Variants in PDCD2L observed in about 807,000 individuals in gnomAD.
The protein encoded by PDCD2L is programmed cell death 2 like, also known as uS5 assembly chaperone PDCD2L.
Under a neutral mutation model 40.4 loss-of-function variants are expected in PDCD2L, and 44 were observed. The observed-to-expected ratio is 1.09, with a 90% CI of 0.86 to 1.40. The LOEUF (loss-of-function observed/expected upper bound fraction) is 1.40. PDCD2L is among the 40% of genes most tolerant of loss of function. The pLI, the probability that PDCD2L is intolerant of heterozygous loss-of-function variation, is 0.00. For missense variants in PDCD2L, 470 were observed against 453.7 expected (o/e 1.04, Z -0.33); for synonymous variants, 194 against 174.6 (o/e 1.11, Z -0.88).
intron 4 of PDCD2L, among the ~76,000 whole-genome samples, chr19:34,412,423 T>C (rs528570550): frequency 1.2e-4 from 19 of 152,246 alleles, no homozygotes; most frequent in African/African-American, 4.6e-4. Context: ...ATCAAAAATA[T>C]TTACTTGACA....
At chr19:34,410,201 G>A (rs1179035190) in intron 4 of PDCD2L, among the ~76,000 whole-genome samples, 17 of 152,130 alleles carry the variant, frequency 1.1e-4, no homozygotes, top group Admixed American at 1.1e-3. Flanking sequence ...CTGGGCTCAG[G>A]CAATCTATCT....
In PDCD2L at chr19:34,409,517, A is replaced by G; in HGVS notation, c.686+7A>G. The G allele has an allele frequency of 4.3e-6, 7 of 1,610,474 alleles. No homozygotes were observed. The highest frequency in any genetic ancestry group is 5.9e-6 in the Non-Finnish European group (7 of 1,177,558). ...ATCAGTTGCTTTCCCAAAGGTGAGG[A>G]TGTGTGCTGCTGAGGTTGAGAGGTG... On this transcript the variant is annotated splice_region_variant and intron_variant, in intron 4 of 6. Coordinates refer to ENST00000246535, the MANE Select transcript of PDCD2L (RefSeq NM_032346.2).
chr19:34,425,940 C>A, intron 6 of PDCD2L, 50 bp from the exon 7 acceptor site: 2 of 1,574,234 alleles, frequency 1.3e-6, no homozygotes, highest in South Asian at 1.2e-5. Context: ...TTAGTAACAT[C>A]AGTCTCATAA....
chr19:34,416,015 G>C (rs553997393), intron 5 of PDCD2L, among the ~76,000 whole-genome samples: 1 of 152,258 alleles, frequency 6.6e-6, no homozygotes, highest in East Asian at 1.9e-4. Flanking sequence ...CCATTTTCTG[G>C]GTTCAAGCAA....
chr19:34,414,717 T>G (rs552149757), intron 5 of PDCD2L, among the ~76,000 whole-genome samples: 1 of 152,154 alleles, frequency 6.6e-6, no homozygotes, highest in Admixed American at 6.6e-5. Flanking sequence ...TCCAAACTTC[T>G]GGGTTCAAGC....
intron 6 of PDCD2L, chr19:34,421,925 T>C (rs2075153389): frequency 4.3e-6 from 1 of 234,906 alleles, no homozygotes; most frequent in Admixed American, 5.2e-5. Flanking sequence ...CTGTCTCTAC[T>C]ATAATATAAA....
intron 6 of PDCD2L, among the ~76,000 whole-genome samples, chr19:34,425,175 A>G (rs2075171375): frequency 6.6e-6 from 1 of 151,194 alleles, no homozygotes; most frequent in South Asian, 2.1e-4. Flanking sequence ...TTTTCTTGGT[A>G]TCTTTTTTTA....
intron 5 of PDCD2L, among the ~76,000 whole-genome samples, chr19:34,414,602 C>T (rs1438459310): frequency 6.8e-6 from 1 of 147,778 alleles, no homozygotes; most frequent in Non-Finnish European, 1.5e-5. Flanking sequence ...GATCCTCCCA[C>T]TTCAGCCTCC....
At chr19:34,414,520 CTGT>C (rs1332880380) in intron 5 of PDCD2L, among the ~76,000 whole-genome samples, 3 of 106,946 alleles carry the variant, frequency 2.8e-5, no homozygotes, top group Non-Finnish European at 5.1e-5. Flanking sequence ...GGGTCTTGCT[CTGT>C]TGCTCAGGCT....
In PDCD2L at chr19:34,404,954, C is replaced by T. The variant is rs1302828008; in HGVS notation, c.300C>T (p.Cys100=). Residue 100 remains cysteine (C), a synonymous_variant, in exon 3 of 7, where the codon TGC becomes TGT. Transcript: ENST00000246535. Reference sequence around the variant, plus strand: ...GCTGGAAGGTGTTCCGCTCCCAGTGCCTGCAGGTGCCAGAGAGAGAGGCGC... The same window carrying T: ...GCTGGAAGGTGTTCCGCTCCCAGTGTCTGCAGGTGCCAGAGAGAGAGGCGC... ...ARSWKVFRSQ[C]LQVPEREAQD... The T allele has an allele frequency of 6.2e-7, 1 of 1,614,176 alleles. No individual in the cohort carries two copies. Among genetic ancestry groups the T allele is most frequent in the Admixed American group, 1.7e-5 (1 of 60,024 alleles).
At chr19:34,405,121 C>A (rs1214393075) in intron 3 of PDCD2L, 131 bp downstream of exon 3, 9 of 627,944 alleles carry the variant, frequency 1.4e-5, no homozygotes, top group Non-Finnish European at 2.0e-5. Flanking sequence ...TCTGAAGAAC[C>A]ATAAAATGCT....
chr19:34,409,628 A>G, intron 4 of PDCD2L, 118 bp downstream of exon 4: 1 of 829,428 alleles, frequency 1.2e-6, no homozygotes, highest in Non-Finnish European at 1.9e-6. Context: ...TGTATGTAGG[A>G]CCTTTTTGCT....
rs71165653 is a variant in PDCD2L, at chr19:34,411,984, A to AT, written c.687-1753_687-1752insT. Among the ~76,000 whole-genome samples, 70 of 145,022 alleles carry AT rather than the reference A, an allele frequency of 4.8e-4. No individual in the cohort carries two copies. In the East Asian group the frequency reaches 6.6e-3, roughly 14 times the overall value. On this transcript the variant is annotated intron_variant, in intron 4 of 6. Coordinates refer to ENST00000246535, the MANE Select transcript of PDCD2L (RefSeq NM_032346.2). ...AATACATATATATATATATATATAT[A>AT]AAATAAATAATAAAATATATATATT...
intron 6 of PDCD2L, chr19:34,421,891 C>T (rs904173921): frequency 1.9e-5 from 7 of 368,034 alleles, no homozygotes; most frequent in Admixed American, 4.0e-5. Context: ...AGATCGAGGC[C>T]ATCCTGGCCA....
chr19:34,412,211 G>C (rs1042070483), intron 4 of PDCD2L, among the ~76,000 whole-genome samples: 2 of 151,022 alleles, frequency 1.3e-5, no homozygotes, highest in Non-Finnish European at 2.9e-5. Context: ...GTAGAGACAG[G>C]GTTTCACCAT....
chr19:34,418,851 C>T (rs2075136639), intron 5 of PDCD2L, among the ~76,000 whole-genome samples: 1 of 152,100 alleles, frequency 6.6e-6, no homozygotes, highest in African/African-American at 2.4e-5. Context: ...CTTTAATTTG[C>T]ATTTCCCCAA....
intron 3 of PDCD2L, among the ~76,000 whole-genome samples, chr19:34,408,276 G>A (rs997000683): frequency 2.0e-5 from 3 of 152,040 alleles, no homozygotes. Flanking sequence ...GAAGACAGTG[G>A]TGTTTGCCTA....
intron 3 of PDCD2L, among the ~76,000 whole-genome samples, chr19:34,405,363 C>A (rs1240020563): frequency 6.6e-6 from 1 of 151,182 alleles, no homozygotes; most frequent in African/African-American, 2.4e-5. Context: ...TCAGGCTGGT[C>A]TCGAACTGCC....
chr19:34,415,267 C>A (rs766002708), intron 5 of PDCD2L, among the ~76,000 whole-genome samples: 1 of 152,040 alleles, frequency 6.6e-6, no homozygotes, highest in Non-Finnish European at 1.5e-5. Flanking sequence ...TACAGCGCCA[C>A]CACGCCTGAC....
Sources: allele counts gnomAD v4.1 joint callset (sites outside exome capture counted in the v4.1 genomes callset), GRCh38; gene constraint gnomAD v4.1.1; transcripts MANE v1.5; gene names NCBI Gene and HGNC (gene_info 2026-07-23, HGNC 2026-07-21).